Variants in CPNE4 observed in about 807,000 individuals in gnomAD.
The protein encoded by CPNE4 is copine 4.
A neutral mutation model predicts 67.9 loss-of-function variants in CPNE4; 25 were observed. That is an observed-to-expected ratio of 0.37 (90% CI 0.27 to 0.51). The LOEUF (loss-of-function observed/expected upper bound fraction) is 0.51. Among genes scored for constraint, CPNE4 ranks in the 20% least tolerant of loss-of-function variants. CPNE4 has a pLI of 0.93. For synonymous variants in CPNE4, 242 were observed against 244.9 expected (o/e 0.99, Z 0.11); for missense variants, 464 against 690.8 (o/e 0.67, Z 3.68).
rs1357018049 is a variant in CPNE4, at chr3:131,552,351, A to G, written c.1168+89T>C. 4 of 1,082,100 alleles carry G rather than the reference A, an allele frequency of 3.7e-6. No homozygotes were observed. In the East Asian group the frequency reaches 7.1e-5, roughly 19 times the overall value. 67.0% of individuals were successfully genotyped at this position (1,082,100 alleles called of 1,614,324 possible). A position where few individuals can be genotyped will look rare whatever the true frequency, so the allele number is the denominator to read the frequency against. ...AGAGATTCTGTGGACAATCGTAACTAATATGCTACACCAGCAGAGATGAAC... is the reference window on the plus strand; with the variant it reads ...AGAGATTCTGTGGACAATCGTAACTGATATGCTACACCAGCAGAGATGAAC... On this transcript the variant is annotated intron_variant, in intron 13 of 15. Coordinates refer to ENST00000429747, the MANE Select transcript of CPNE4 (RefSeq NM_130808.3).
chr3:131,622,034 A>G (rs1023282374), intron 7 of CPNE4, among the ~76,000 whole-genome samples: 17 of 151,642 alleles, frequency 1.1e-4, no homozygotes, highest in Admixed American at 3.9e-4. Context: ...AAAAAAAAAA[A>G]AAAAAGAAAA....
upstream of CPNE4, chr3:132,037,606 C>A: frequency 2.0e-6 from 3 of 1,535,992 alleles, no homozygotes; most frequent in Non-Finnish European, 2.6e-6. Context: ...GGTTCTACAG[C>A]CATGGTCAAA....
At chr3:131,856,370 T>C (rs182370785) in intron 2 of CPNE4, among the ~76,000 whole-genome samples, 1 of 151,982 alleles carries the variant, frequency 6.6e-6, no homozygotes, top group East Asian at 1.9e-4. Context: ...GTATGAGTCA[T>C]CATACCTGTA....
chr3:131,863,290 T>G (rs1214582157), intron 2 of CPNE4, among the ~76,000 whole-genome samples: 2 of 152,188 alleles, frequency 1.3e-5, no homozygotes, highest in Non-Finnish European at 2.9e-5. Context: ...CCACACTGAC[T>G]TCCACAATGG....
intron 2 of CPNE4, among the ~76,000 whole-genome samples, chr3:131,789,056 A>ACT: frequency 6.6e-6 from 1 of 151,576 alleles, no homozygotes; most frequent in Non-Finnish European, 1.5e-5. Context: ...AGAGAGAGAG[A>ACT]GAGAAAGACT....
intron 2 of CPNE4, among the ~76,000 whole-genome samples, chr3:131,884,983 G>T (rs1258260779): frequency 6.6e-6 from 1 of 152,122 alleles, no homozygotes; most frequent in Non-Finnish European, 1.5e-5. Context: ...TACCAAGAGT[G>T]GAGTGTTGCT....
At chr3:131,976,483 A>G (rs1337769891) in intron 1 of CPNE4, among the ~76,000 whole-genome samples, 1 of 152,284 alleles carries the variant, frequency 6.6e-6, no homozygotes, top group East Asian at 1.9e-4. Context: ...GAGAGTGAAG[A>G]TTTTAAAAAG....
At chr3:132,011,868 T>C (rs796169600) in intron 1 of CPNE4, among the ~76,000 whole-genome samples, 1 of 152,348 alleles carries the variant, frequency 6.6e-6, no homozygotes, top group African/African-American at 2.4e-5. Context: ...TTATTACTCT[T>C]ATCTTATCCT....
chr3:131,643,550 G>C (rs2079589502), intron 7 of CPNE4, among the ~76,000 whole-genome samples: 1 of 152,200 alleles, frequency 6.6e-6, no homozygotes, highest in Admixed American at 6.5e-5. Flanking sequence ...AATGAGCTAA[G>C]ATGTTGGGGG....
intron 1 of CPNE4, among the ~76,000 whole-genome samples, chr3:131,926,083 G>T (rs1411925240): frequency 6.6e-6 from 1 of 152,110 alleles, no homozygotes; most frequent in Admixed American, 6.5e-5. Flanking sequence ...ATTTTTAAAG[G>T]TAAGTAATAA....
chr3:131,642,369 C>CT (rs760368596), intron 7 of CPNE4, among the ~76,000 whole-genome samples: 5 of 152,116 alleles, frequency 3.3e-5, no homozygotes, highest in African/African-American at 4.8e-5. Context: ...ACTTTGTGCT[C>CT]TTTTTTTCAG....
Position 131,656,053 on chromosome 3 carries a change from C to CTTTT in CPNE4, c.681+13618_681+13621dup, listed in dbSNP as rs11360041. ...ACCAGATGTGGCCACAATACTGTTT[C>CTTTT]TTTTTTTTTTTTTTTTTGTGACTTG... On this transcript the variant is annotated intron_variant, in intron 7 of 15. Coordinates refer to ENST00000429747, the MANE Select transcript of CPNE4 (RefSeq NM_130808.3). Among the ~76,000 whole-genome samples the CTTTT allele has an allele frequency of 2.3e-5, 3 of 131,668 alleles. No individual in the cohort carries two copies. In the East Asian group the frequency reaches 6.5e-4, roughly 29 times the overall value. 86.4% of individuals were successfully genotyped at this position (131,668 alleles called of 152,430 possible).
chr3:131,893,544 G>T (rs973336608), intron 2 of CPNE4, among the ~76,000 whole-genome samples: 2 of 151,910 alleles, frequency 1.3e-5, no homozygotes, highest in Non-Finnish European at 2.9e-5. Flanking sequence ...AATTCACATG[G>T]AATGTTCTCC....
intron 1 of CPNE4, among the ~76,000 whole-genome samples, chr3:131,928,504 G>A (rs2369231): frequency 0.23 from 35,365 of 151,960 alleles, 4,660 homozygotes; most frequent in African/African-American, 0.36. Flanking sequence ...ATTCAATAGT[G>A]CAAATCACCC....
At chr3:131,862,887 T>G (rs556507036) in intron 2 of CPNE4, among the ~76,000 whole-genome samples, 10 of 146,324 alleles carry the variant, frequency 6.8e-5, no homozygotes, top group Admixed American at 5.5e-4. Flanking sequence ...GGCCCCAGTG[T>G]GTGATGTTCC....
chr3:131,592,632 C>T (rs1323055156), intron 7 of CPNE4, among the ~76,000 whole-genome samples: 1 of 148,848 alleles, frequency 6.7e-6, no homozygotes, highest in East Asian at 1.9e-4. Context: ...TGTATATACA[C>T]ACACATATAT....
chr3:131,689,594 C>T (rs937563439), intron 5 of CPNE4, among the ~76,000 whole-genome samples: 33 of 152,188 alleles, frequency 2.2e-4, no homozygotes, highest in Non-Finnish European at 1.5e-4. Context: ...CTATGACAAA[C>T]CCACAGCCAA....
chr3:131,606,623 T>A (rs537338670), intron 7 of CPNE4, among the ~76,000 whole-genome samples: 1 of 152,250 alleles, frequency 6.6e-6, no homozygotes, highest in African/African-American at 2.4e-5. Context: ...AGTTTATCCT[T>A]GGGCACAAAA....
intron 5 of CPNE4, among the ~76,000 whole-genome samples, chr3:131,692,457 C>T (rs1304906656): frequency 6.6e-6 from 1 of 152,162 alleles, no homozygotes; most frequent in Non-Finnish European, 1.5e-5. Context: ...AGTAAAATCA[C>T]ATCACAGCAG....
Sources: allele counts gnomAD v4.1 joint callset (sites outside exome capture counted in the v4.1 genomes callset), GRCh38; gene constraint gnomAD v4.1.1; transcripts MANE v1.5; gene names NCBI Gene and HGNC (gene_info 2026-07-23, HGNC 2026-07-21).